Variants in PHLPP1 observed in about 807,000 individuals in gnomAD.
The protein encoded by PHLPP1 is PH domain leucine-rich repeat-containing protein phosphatase 1.
A neutral mutation model predicts 117.2 loss-of-function variants in PHLPP1; 42 were observed. The observed-to-expected ratio is 0.36, with a 90% confidence interval of 0.28 to 0.46. PHLPP1 has a LOEUF of 0.46. Among genes scored for constraint, PHLPP1 ranks in the 20% least tolerant of loss-of-function variants. The pLI is 1.00. For synonymous variants in PHLPP1, 1,042 were observed against 970.7 expected, an observed-to-expected ratio of 1.07 and a Z score of -1.37; for missense variants, 2,084 against 2,241.9, an observed-to-expected ratio of 0.93 and a Z score of 1.42.
intron 9 of PHLPP1, among the ~76,000 whole-genome samples, chr18:62,918,255 C>T (rs71353370): frequency 0.066 from 9,795 of 147,508 alleles, 461 homozygotes; most frequent in Non-Finnish European, 0.099. Context: ...TTATTAGAGG[C>T]GGAAATGTAT....
intron 4 of PHLPP1, among the ~76,000 whole-genome samples, chr18:62,861,349 C>T (rs535399568): frequency 4.6e-5 from 7 of 152,298 alleles, no homozygotes; most frequent in South Asian, 2.1e-4. Flanking sequence ...AGTGATCTGC[C>T]CTTCTTGGCC....
At chr18:62,899,036 G>A (rs1279450924) in intron 6 of PHLPP1, among the ~76,000 whole-genome samples, 1 of 152,064 alleles carries the variant, frequency 6.6e-6, no homozygotes, top group Non-Finnish European at 1.5e-5. Flanking sequence ...CTGACCTCAA[G>A]TGATCCAACT....
intron 10 of PHLPP1, among the ~76,000 whole-genome samples, chr18:62,927,493 A>C (rs897659736): frequency 1.3e-5 from 2 of 152,332 alleles, no homozygotes; most frequent in Non-Finnish European, 1.5e-5. Flanking sequence ...AAAGAAATTA[A>C]GGAACTGAGA....
At chr18:62,820,118 GATAAA>G (rs1392143849) in intron 1 of PHLPP1, among the ~76,000 whole-genome samples, 1 of 152,186 alleles carries the variant, frequency 6.6e-6, no homozygotes, top group Non-Finnish European at 1.5e-5. Flanking sequence ...ATTTTATAAT[GATAAA>G]GCAATCCATA....
Position 62,783,149 on chromosome 18 carries a change from TTA to T in PHLPP1, c.1577-46885_1577-46884del, listed in dbSNP as rs755643328. ...GTTAAAAGTATTTGTTTTCAGAGTT[TTA>T]AAAAAAAAAAAAAAAGATGAGTCAC... On this transcript the variant is annotated intron_variant, in intron 1 of 16. Transcript: ENST00000262719. Among the ~76,000 whole-genome samples, 199 of 146,704 alleles carry T rather than the reference TTA, an allele frequency of 1.4e-3. 1 individual carries two copies. Among genetic ancestry groups the T allele is most frequent in the African/African-American group, 4.6e-3 (183 of 39,638 alleles).
chr18:62,734,087 A>T (rs1330234866), intron 1 of PHLPP1, among the ~76,000 whole-genome samples: 6 of 152,204 alleles, frequency 3.9e-5, no homozygotes, highest in Non-Finnish European at 8.8e-5. Flanking sequence ...GCCTGACAGT[A>T]GCCTAGAGTA....
chr18:62,925,706 G>A (rs183531051), intron 10 of PHLPP1, among the ~76,000 whole-genome samples: 1 of 152,318 alleles, frequency 6.6e-6, no homozygotes, highest in Admixed American at 6.5e-5. Context: ...GTATCGTGAA[G>A]TTCTGATGTT....
intron 10 of PHLPP1, among the ~76,000 whole-genome samples, chr18:62,921,866 C>G (rs1909479356): frequency 6.6e-6 from 1 of 152,190 alleles, no homozygotes; most frequent in African/African-American, 2.4e-5. Context: ...TTACCCAGAA[C>G]AAGATATAGA....
chr18:62,872,315 G>A (rs1018856972), intron 4 of PHLPP1, among the ~76,000 whole-genome samples: 6 of 152,180 alleles, frequency 3.9e-5, no homozygotes, highest in African/African-American at 7.2e-5. Context: ...CCTCCATTCC[G>A]TCTCTTGTGG....
Position 62,914,602 on chromosome 18 carries a change from A to G in PHLPP1, c.2709-311A>G, listed in dbSNP as rs534195674. ...TAGGTGCATGCCACCATGAGCAACT[A>G]ATTTTTTATGTTTTGTAGAAATGGA... On this transcript the variant is annotated intron_variant, in intron 8 of 16. Transcript: ENST00000262719. Among the ~76,000 whole-genome samples, 58 of 152,182 alleles carry G rather than the reference A, an allele frequency of 3.8e-4. No individual in the cohort carries two copies. The South Asian group carries it at 4.4e-3, about 11-fold the overall frequency.
In PHLPP1 at chr18:62,835,597, T is replaced by A. The variant is rs1226389619; in HGVS notation, c.1774-3187T>A. Among the ~76,000 whole-genome samples, 3 of 152,092 alleles carry A rather than the reference T, an allele frequency of 2.0e-5. No homozygotes were observed. In the East Asian group the frequency reaches 5.8e-4, roughly 29 times the overall value. On this transcript the variant is annotated intron_variant, in intron 2 of 16. Transcript: ENST00000262719. ...TGGTCAGTTTAAGTGAGTTTTTATTTTCTGAGTTTGCTGAGAATTTTTATT... is the reference window on the plus strand; with the variant it reads ...TGGTCAGTTTAAGTGAGTTTTTATTATCTGAGTTTGCTGAGAATTTTTATT...
At chr18:62,922,755 C>T (rs142880689) in intron 10 of PHLPP1, among the ~76,000 whole-genome samples, 1 of 152,264 alleles carries the variant, frequency 6.6e-6, no homozygotes, top group African/African-American at 2.4e-5. Context: ...ATTCTTTATT[C>T]ATTCCTGAGA....
At chr18:62,883,017 A>T (rs183899950) in intron 4 of PHLPP1, among the ~76,000 whole-genome samples, 2 of 151,950 alleles carry the variant, frequency 1.3e-5, no homozygotes, top group African/African-American at 2.4e-5. Flanking sequence ...GCTAGGTACC[A>T]GAAAGAAAAT....
intron 3 of PHLPP1, among the ~76,000 whole-genome samples, chr18:62,845,207 AGTGGCTGACAGTTGCAGGTGACT>A (rs1250502431): frequency 6.6e-6 from 1 of 152,008 alleles, no homozygotes; most frequent in Non-Finnish European, 1.5e-5. Flanking sequence ...TGTGTTGATC[AGTGGCTGACAGTTGCAGGTGACT>A]GTGACTGTCA....
intron 7 of PHLPP1, among the ~76,000 whole-genome samples, chr18:62,903,430 G>A (rs1916773797): frequency 6.8e-6 from 1 of 146,768 alleles, no homozygotes; most frequent in African/African-American, 2.7e-5. Context: ...CTTAAAGGAA[G>A]AGAGAAAAGT....
At chr18:62,930,607 A>G (rs570075830) in intron 10 of PHLPP1, among the ~76,000 whole-genome samples, 3 of 152,234 alleles carry the variant, frequency 2.0e-5, no homozygotes, top group Non-Finnish European at 4.4e-5. Context: ...ATACAGTAAA[A>G]GTAGGGGATT....
chr18:62,853,249 G>A (rs1915405823), intron 3 of PHLPP1, among the ~76,000 whole-genome samples: 1 of 152,094 alleles, frequency 6.6e-6, no homozygotes, highest in Admixed American at 6.6e-5. Context: ...CAGGTAGTTG[G>A]AAATTATGTT....
At chr18:62,774,698 A>G (rs182133753) in intron 1 of PHLPP1, among the ~76,000 whole-genome samples, 6 of 152,278 alleles carry the variant, frequency 3.9e-5, no homozygotes, top group Admixed American at 3.9e-4. Context: ...TCGTTTAGAA[A>G]CCTTATCCTT....
In PHLPP1 at chr18:62,834,115, G is replaced by A. The variant is rs185001128; in HGVS notation, c.1773+3884G>A. On this transcript the variant is annotated intron_variant, in intron 2 of 16. Coordinates refer to ENST00000262719, the MANE Select transcript of PHLPP1 (RefSeq NM_194449.4). ...GGGTCAGTGGGGTTGGGGGGTGGGC[G>A]TTTCTTTTGTCACACAGTTGTTCAG... is the stretch of plus-strand genomic sequence containing the variant. Among the ~76,000 whole-genome samples, 49 of 152,192 alleles carry A rather than the reference G, an allele frequency of 3.2e-4. 1 individual carries two copies. Among genetic ancestry groups the A allele is most frequent in the Admixed American group, 3.1e-3 (48 of 15,280 alleles).
Sources: allele counts gnomAD v4.1 joint callset (sites outside exome capture counted in the v4.1 genomes callset), GRCh38; gene constraint gnomAD v4.1.1; transcripts MANE v1.5; gene names NCBI Gene and HGNC (gene_info 2026-07-23, HGNC 2026-07-21).